POLR3B: variants seen among roughly 807,000 people sequenced by gnomAD.
POLR3B encodes DNA-directed RNA polymerase III subunit RPC2.
A neutral mutation model predicts 147.4 loss-of-function variants in POLR3B; 96 were observed. That is an observed-to-expected ratio of 0.65 (90% confidence interval 0.55 to 0.77). The LOEUF (loss-of-function observed/expected upper bound fraction) is 0.77. Among genes scored for constraint, POLR3B ranks in the 30% least tolerant of loss-of-function variants. The pLI, the probability that POLR3B is intolerant of heterozygous loss-of-function variation, is 0.00. For missense variants in POLR3B, 1,036 were observed against 1,413.5 expected (o/e 0.73, Z 4.28); for synonymous variants, 461 against 485.9 (o/e 0.95, Z 0.67).
intron 10 of POLR3B, among the ~76,000 whole-genome samples, chr12:106,399,521 A>G (rs549058463): frequency 5.3e-5 from 8 of 152,352 alleles, no homozygotes; most frequent in African/African-American, 1.9e-4. Flanking sequence ...AAGACGCATA[A>G]TTGTCAGATT....
chr12:106,380,551 C>G (rs1215226781), intron 9 of POLR3B, among the ~76,000 whole-genome samples: 1 of 152,156 alleles, frequency 6.6e-6, no homozygotes, highest in Non-Finnish European at 1.5e-5. Flanking sequence ...CCACTCTGCT[C>G]CAGCCTGGAC....
intron 19 of POLR3B, among the ~76,000 whole-genome samples, chr12:106,450,856 C>G (rs1200343405): frequency 1.8e-4 from 28 of 152,006 alleles, no homozygotes; most frequent in Admixed American, 1.8e-3. Flanking sequence ...AAATATTTAC[C>G]CAAGTAATGA....
chr12:106,444,827 A>G (rs569579003), intron 19 of POLR3B, among the ~76,000 whole-genome samples: 7 of 152,226 alleles, frequency 4.6e-5, no homozygotes, highest in African/African-American at 1.4e-4. Context: ...TCCTTCACCA[A>G]ACAAAGCAAT....
chr12:106,507,196 A>G (rs565735616), intron 27 of POLR3B, among the ~76,000 whole-genome samples: 1 of 152,340 alleles, frequency 6.6e-6, no homozygotes, highest in East Asian at 1.9e-4. Flanking sequence ...GTGTGAAGCC[A>G]CAGCCTCCCC....
intron 23 of POLR3B, chr12:106,495,825 A>C (rs1390919469): frequency 6.2e-6 from 4 of 647,364 alleles, no homozygotes; most frequent in Non-Finnish European, 1.1e-5. Flanking sequence ...ATTGTGTGCT[A>C]TGCCGGCAGC....
At chr12:106,423,360 T>G (rs1305794342) in intron 12 of POLR3B, among the ~76,000 whole-genome samples, 1 of 152,192 alleles carries the variant, frequency 6.6e-6, no homozygotes, top group African/African-American at 2.4e-5. Context: ...ATTAAAATTT[T>G]TTAGATAGAT....
intron 10 of POLR3B, among the ~76,000 whole-genome samples, chr12:106,394,771 A>G (rs977375341): frequency 2.6e-5 from 4 of 152,254 alleles, no homozygotes; most frequent in African/African-American, 9.6e-5. Flanking sequence ...GGAAGTTAAC[A>G]TAAGAAAGAC....
intron 9 of POLR3B, among the ~76,000 whole-genome samples, chr12:106,384,033 CA>C (rs376387206): frequency 8.0e-5 from 12 of 149,194 alleles, no homozygotes; most frequent in African/African-American, 2.9e-4. Flanking sequence ...GTCCCCATAA[CA>C]GTGAAAAAGT....
chr12:106,389,602 T>G (rs1263263087), intron 9 of POLR3B, among the ~76,000 whole-genome samples: 2 of 57,432 alleles, frequency 3.5e-5, no homozygotes, highest in African/African-American at 2.1e-4. Flanking sequence ...GGATTTCAGG[T>G]TTTTTTTTTT....
chr12:106,379,920 A>T, intron 8 of POLR3B, 111 bp from the exon 9 acceptor site: 1 of 718,210 alleles, frequency 1.4e-6, no homozygotes, highest in Non-Finnish European at 2.5e-6. Context: ...GGACCTTGTG[A>T]TTGTTGTTGA....
In POLR3B at chr12:106,363,916, A is replaced by G. The variant is rs770481246; in HGVS notation, c.105+14A>G. ...GCATTTTTAAAGGTAATTGTTTCAC[A>G]TTTAATAATAATTGGTTATTTTTCA... On this transcript the variant is annotated intron_variant, in intron 2 of 27. Coordinates refer to ENST00000228347, the MANE Select transcript of POLR3B (RefSeq NM_018082.6). 2.7e-5 allele frequency: 42 copies of G among 1,571,824 alleles called. No individual in the cohort carries two copies. In the East Asian group the frequency reaches 9.4e-4, roughly 35 times the overall value.
intron 10 of POLR3B, among the ~76,000 whole-genome samples, chr12:106,402,647 T>A (rs1045258865): frequency 1.3e-5 from 2 of 151,986 alleles, no homozygotes; most frequent in African/African-American, 4.8e-5. Context: ...CCCTCAGAAA[T>A]AATGCCACAT....
chr12:106,430,035 C>T (rs2037486695), intron 13 of POLR3B, among the ~76,000 whole-genome samples: 3 of 152,122 alleles, frequency 2.0e-5, no homozygotes, highest in South Asian at 2.1e-4. Context: ...GGTTATGCGT[C>T]GAATAATTCT....
intron 23 of POLR3B, among the ~76,000 whole-genome samples, chr12:106,476,723 C>G (rs969229108): frequency 3.3e-5 from 5 of 151,290 alleles, no homozygotes; most frequent in Non-Finnish European, 7.4e-5. Flanking sequence ...TCCATCAGCT[C>G]CTTTAAGCAC....
At chr12:106,433,455 A>G (rs543113303) in intron 15 of POLR3B, among the ~76,000 whole-genome samples, 1 of 152,286 alleles carries the variant, frequency 6.6e-6, no homozygotes, top group East Asian at 1.9e-4. Context: ...TTGGACCCCA[A>G]GTTCATGCCC....
intron 12 of POLR3B, among the ~76,000 whole-genome samples, chr12:106,411,258 C>A (rs1321014527): frequency 6.6e-6 from 1 of 152,136 alleles, no homozygotes; most frequent in African/African-American, 2.4e-5. Context: ...CCTGCCTCAG[C>A]CTCCCGAGTA....
At chr12:106,378,229 G>A in intron 7 of POLR3B, 38 bp from the exon 8 acceptor site, 1 of 1,234,370 alleles carries the variant, frequency 8.1e-7, no homozygotes, top group Non-Finnish European at 1.2e-6. Context: ...ACTGGTTGAG[G>A]AATAAATGAT....
Position 106,496,750 on chromosome 12 carries a change from A to G in POLR3B, c.2818-2A>G, listed in dbSNP as rs146836923. ...CTCACTTAATTTGTTCACATCCTGC[A>G]GGTGGGGAAGCTCATTGAGCTGCTG... On this transcript the variant is annotated splice_acceptor_variant, in intron 24 of 27. Transcript: ENST00000228347. LOFTEE classifies it high-confidence loss of function. 1 of 1,613,874 alleles carries G rather than the reference A, an allele frequency of 6.2e-7. No homozygotes were observed. Among genetic ancestry groups the G allele is most frequent in the Admixed American group, 1.7e-5 (1 of 59,994 alleles).
chr12:106,510,005 G>A lies in POLR3B; in HGVS notation c.*456G>A, dbSNP rs554332080. ...TGGCTTTTGTCGTGGTGGCTGGCTC[G>A]GATAAATTTTCCCAACAATTAAATC... On this transcript the variant is annotated 3_prime_UTR_variant, in exon 28 of 28. Coordinates refer to ENST00000228347, the MANE Select transcript of POLR3B (RefSeq NM_018082.6). The A allele has an allele frequency of 3.7e-5, 6 of 161,588 alleles. No homozygotes were observed. The South Asian group carries it at 8.7e-4, about 24-fold the overall frequency. The allele number at this position is 161,588 out of a possible 1,614,324, so 10.0% of individuals were successfully genotyped here. A position where few individuals can be genotyped will look rare whatever the true frequency, so the allele number is the denominator to read the frequency against.
Sources: gnomAD v4.1 joint callset for allele counts (sites outside exome capture counted in the v4.1 genomes callset) on GRCh38, gnomAD v4.1.1 for gene constraint, MANE v1.5 for transcripts, NCBI Gene and HGNC (gene_info 2026-07-23, HGNC 2026-07-21) for gene names.